The following CDH18 variants were observed in gnomAD, a reference collection of about 807,000 sequenced individuals.
The protein encoded by CDH18 is cadherin 18, also known as cadherin-18.
CDH18 carries 31 observed loss-of-function variants against 67.9 expected under a neutral mutation model. The ratio of observed to expected loss-of-function variants is 0.46; its 90% CI spans 0.34 to 0.62. The LOEUF is 0.62. CDH18 is among the 20% of genes least tolerant of loss of function. CDH18 has a pLI of 0.01. For synonymous variants in CDH18, 362 were observed against 347.2 expected (o/e 1.04, Z -0.48); for missense variants, 890 against 975.5 (o/e 0.91, Z 1.17).
intron 3 of CDH18, among the ~76,000 whole-genome samples, chr5:19,801,555 A>AT (rs1777472097): frequency 1.3e-5 from 2 of 152,148 alleles, no homozygotes; most frequent in Admixed American, 1.3e-4. Flanking sequence ...GGGCATAAGG[A>AT]TTTTTTAAAA....
At chr5:19,520,144 A>T (rs1746663783) in intron 10 of CDH18, among the ~76,000 whole-genome samples, 1 of 152,128 alleles carries the variant, frequency 6.6e-6, no homozygotes, top group Admixed American at 6.6e-5. Context: ...TGCACATGAC[A>T]TCCAGCCTCT....
intron 2 of CDH18, among the ~76,000 whole-genome samples, chr5:19,871,445 A>G (rs955311001): frequency 6.6e-6 from 1 of 152,274 alleles, no homozygotes; most frequent in Middle Eastern, 3.4e-3. Flanking sequence ...CTTTGTCACA[A>G]TGACAGCAAA....
intron 5 of CDH18, among the ~76,000 whole-genome samples, chr5:19,703,680 T>C (rs1277668774): frequency 6.6e-6 from 1 of 152,024 alleles, no homozygotes; most frequent in Admixed American, 6.6e-5. Context: ...GAGGGTGATA[T>C]AGAGGCTTGG....
intron 2 of CDH18, among the ~76,000 whole-genome samples, chr5:20,201,123 A>G (rs1414179058): frequency 6.6e-6 from 1 of 151,942 alleles, no homozygotes; most frequent in Non-Finnish European, 1.5e-5. Flanking sequence ...TGCAGCTGAG[A>G]AATTTCCTTG....
At chr5:20,033,658 T>C (rs1183999588) in intron 2 of CDH18, among the ~76,000 whole-genome samples, 2 of 152,026 alleles carry the variant, frequency 1.3e-5, no homozygotes, top group Non-Finnish European at 2.9e-5. Flanking sequence ...ATTTTAAAAA[T>C]ATATCTGTTT....
chr5:19,508,806 T>G (rs1744646840), intron 10 of CDH18, among the ~76,000 whole-genome samples: 1 of 152,050 alleles, frequency 6.6e-6, no homozygotes, highest in African/African-American at 2.4e-5. Context: ...TAATGTTAGT[T>G]TTGGCAAATG....
intron 2 of CDH18, among the ~76,000 whole-genome samples, chr5:20,080,921 T>G (rs1744414517): frequency 6.6e-6 from 1 of 152,126 alleles, no homozygotes; most frequent in South Asian, 2.1e-4. Context: ...GCCTCAGCAG[T>G]GTTCATTCCC....
At chr5:20,553,198 A>G (rs1001104702) in intron 1 of CDH18, among the ~76,000 whole-genome samples, 3 of 152,212 alleles carry the variant, frequency 2.0e-5, no homozygotes, top group Admixed American at 2.0e-4. Context: ...GAAAGATTCC[A>G]ATTCATACGG....
chr5:19,697,473 G>T (rs4454054), intron 5 of CDH18, among the ~76,000 whole-genome samples: 350 of 152,234 alleles, frequency 2.3e-3, no homozygotes, highest in African/African-American at 8.1e-3. Context: ...ATGATTTAAA[G>T]AATTTCATTT....
intron 8 of CDH18, among the ~76,000 whole-genome samples, chr5:19,559,965 A>C (rs1739166012): frequency 6.6e-6 from 1 of 151,996 alleles, no homozygotes; most frequent in Non-Finnish European, 1.5e-5. Context: ...AAGAAGAAGA[A>C]AAACCTCTAC....
At position 20,079,046 on chromosome 5, in the gene CDH18, C is replaced by T. The variant is rs145942289; in HGVS notation, c.-517-87032G>A. Among the ~76,000 whole-genome samples the T allele has an allele frequency of 1.8e-3, 271 of 152,238 alleles. 1 individual carries two copies. Among genetic ancestry groups the T allele is most frequent in the African/African-American group, 6.2e-3 (256 of 41,540 alleles). ...GGTAAGTAGTATAGTATATCCATCTCTTCAAATATTTATGAGCTCTTTGTA... is the reference window on the plus strand; with the variant it reads ...GGTAAGTAGTATAGTATATCCATCTTTTCAAATATTTATGAGCTCTTTGTA... On this transcript the variant is annotated intron_variant, in intron 2 of 14. Transcript: ENST00000507958.
intron 2 of CDH18, among the ~76,000 whole-genome samples, chr5:19,957,528 C>A (rs1257273143): frequency 6.6e-6 from 1 of 151,642 alleles, no homozygotes; most frequent in Non-Finnish European, 1.5e-5. Context: ...ATGTACATTG[C>A]AGTTAGTATG....
At chr5:19,511,562 G>C (rs865890606) in intron 10 of CDH18, among the ~76,000 whole-genome samples, 3 of 152,094 alleles carry the variant, frequency 2.0e-5, no homozygotes, top group Middle Eastern at 3.2e-3. Flanking sequence ...TGAGGAACCT[G>C]TTGCAAACCA....
intron 1 of CDH18, among the ~76,000 whole-genome samples, chr5:20,458,652 T>G (rs1356325264): frequency 6.6e-6 from 1 of 152,112 alleles, no homozygotes; most frequent in Non-Finnish European, 1.5e-5. Flanking sequence ...AAAACCCATA[T>G]GTATTCTATT....
At chr5:20,280,132 T>A (rs1301875533) in intron 1 of CDH18, among the ~76,000 whole-genome samples, 4 of 152,056 alleles carry the variant, frequency 2.6e-5, no homozygotes, top group Non-Finnish European at 4.4e-5. Flanking sequence ...AAAATATGTA[T>A]GACATTTCTT....
chr5:19,487,200 T>C (rs1356794223), intron 11 of CDH18, among the ~76,000 whole-genome samples: 1 of 152,108 alleles, frequency 6.6e-6, no homozygotes, highest in African/African-American at 2.4e-5. Context: ...TATAGATAGA[T>C]GATTGAAAGG....
intron 1 of CDH18, among the ~76,000 whole-genome samples, chr5:20,458,840 AT>A (rs1393181334): frequency 6.6e-6 from 1 of 152,170 alleles, no homozygotes; most frequent in Non-Finnish European, 1.5e-5. Flanking sequence ...ATTGTTCACT[AT>A]TATGTGCAAC....
At chr5:19,991,278 G>C (rs1197583767), upstream of CDH18, among the ~76,000 whole-genome samples, 1 of 152,020 alleles carries the variant, frequency 6.6e-6, no homozygotes, top group Non-Finnish European at 1.5e-5. Flanking sequence ...TTTTTAGAGC[G>C]GTCAACTGCA....
At chr5:20,234,167 G>C (rs1167721834) in intron 2 of CDH18, among the ~76,000 whole-genome samples, 2 of 152,116 alleles carry the variant, frequency 1.3e-5, no homozygotes, top group Non-Finnish European at 2.9e-5. Flanking sequence ...AGATGCATAA[G>C]TGTGACCAGT....
Sources: allele counts gnomAD v4.1 joint callset (sites outside exome capture counted in the v4.1 genomes callset), GRCh38; gene constraint gnomAD v4.1.1; transcripts MANE v1.5; gene names NCBI Gene and HGNC (gene_info 2026-07-23, HGNC 2026-07-21).